COL13A1: variants seen among roughly 807,000 people sequenced by gnomAD.
The protein encoded by COL13A1 is collagen type XIII alpha 1 chain.
Under a neutral mutation model 130.9 loss-of-function variants are expected in COL13A1, and 89 were observed. That is an observed-to-expected ratio of 0.68 (90% CI 0.57 to 0.81). The LOEUF (loss-of-function observed/expected upper bound fraction) is 0.81, where lower values mean the gene tolerates loss of function less well. Among genes scored for constraint, COL13A1 ranks in the 30% least tolerant of loss-of-function variants. The pLI is 0.00. For missense variants in COL13A1, 879 were observed against 934.6 expected (o/e 0.94, Z 0.78); for synonymous variants, 402 against 341.6 (o/e 1.18, Z -1.95).
chr10:69,827,540 C>T (rs1451756053), intron 2 of COL13A1, among the ~76,000 whole-genome samples: 2 of 152,180 alleles, frequency 1.3e-5, no homozygotes, highest in Non-Finnish European at 2.9e-5. Context: ...GGGATGTCAC[C>T]TGATACAATT....
In COL13A1 at chr10:69,937,699, G is replaced by A. The variant is rs1282908147; in HGVS notation, c.1862G>A (p.Gly621Asp). Residue 621 changes from glycine (G) to aspartate (D), a missense_variant, in exon 34 of 41, where the codon GGT (glycine) becomes GAT (aspartate). Physicochemically the swap from Gly to Asp is moderately conservative, Grantham distance 94. Coordinates refer to ENST00000645393, the MANE Select transcript of COL13A1 (RefSeq NM_001368882.1). ...TTCCAGGGAGAAAAAGGAGACCGTG[G>A]TCCCCTGGGACTACCCGTAAGTACC... ...KGFQGEKGDR[G>D]PLGLPGASGL... is the part of the protein sequence containing the mutation. 1.3e-6 allele frequency: 2 copies of A among 1,558,850 alleles called. No homozygotes were observed. The highest frequency in any genetic ancestry group is 1.7e-5 in the Admixed American group (1 of 59,942).
chr10:69,902,635 C>G, intron 14 of COL13A1, 113 bp from the exon 15 acceptor site: 1 of 808,040 alleles, frequency 1.2e-6, no homozygotes, highest in Non-Finnish European at 1.9e-6. Flanking sequence ...CCCATCACCA[C>G]TCCTTCCCGG....
At chr10:69,921,025 C>A (rs1284502394) in intron 21 of COL13A1, among the ~76,000 whole-genome samples, 1 of 152,142 alleles carries the variant, frequency 6.6e-6, no homozygotes, top group African/African-American at 2.4e-5. Context: ...TATTATTTTG[C>A]TAGGGCTGTG....
rs753617316 is a variant in COL13A1, at chr10:69,875,161, G to T, written c.433G>T (p.Val145Leu). The change falls in exon 5 of 41, where the codon GTG becomes TTG. Residue 145 changes from valine to leucine, a missense_variant and splice_region_variant. Val to Leu is a conservative substitution (Grantham distance 32). Coordinates refer to ENST00000645393, the MANE Select transcript of COL13A1 (RefSeq NM_001368882.1). ...AGGTGCCATTGGGATGCCTGGACGT[G>T]TGGTGAGTTGGCCCGTTTGTACCTG... ...DKGAIGMPGR[V>L]GVKGQPGEKG... 1.9e-6 allele frequency: 3 copies of T among 1,613,998 alleles called. No homozygotes were observed. Among genetic ancestry groups the T allele is most frequent in the South Asian group, 2.2e-5 (2 of 91,074 alleles).
intron 38 of COL13A1, among the ~76,000 whole-genome samples, chr10:69,950,460 C>G (rs1273040695): frequency 6.6e-6 from 1 of 152,156 alleles, no homozygotes. Context: ...CTCTGTTACC[C>G]CCGGGGTATC....
intron 3 of COL13A1, among the ~76,000 whole-genome samples, chr10:69,870,686 A>G (rs192846535): frequency 2.1e-3 from 316 of 152,192 alleles, no homozygotes; most frequent in Admixed American, 4.6e-3. Flanking sequence ...TCATTCCAAG[A>G]AACATTTTAG....
intron 17 of COL13A1, among the ~76,000 whole-genome samples, chr10:69,908,691 A>T (rs2063048525): frequency 6.6e-6 from 1 of 152,162 alleles, no homozygotes; most frequent in South Asian, 2.1e-4. Context: ...TCCTAGACTC[A>T]GATTGTAGGA....
chr10:69,916,894 G>A lies in COL13A1; in HGVS notation c.922-395G>A, dbSNP rs1041564606. Among the ~76,000 whole-genome samples, 3 of 152,190 alleles carry A rather than the reference G, an allele frequency of 2.0e-5. No individual in the cohort carries two copies. In the East Asian group the frequency reaches 5.8e-4, roughly 29 times the overall value. The stretch of plus-strand genomic sequence containing the variant: ...AAAATGAGGCAAGAAGTCCCAGGCA[G>A]GGACCAGAGGGAAGGTGTGCAGTAG... On this transcript the variant is annotated intron_variant, in intron 17 of 40. Coordinates refer to ENST00000645393, the MANE Select transcript of COL13A1 (RefSeq NM_001368882.1).
At chr10:69,926,286 T>C (rs760379811) in intron 26 of COL13A1, among the ~76,000 whole-genome samples, 2 of 152,220 alleles carry the variant, frequency 1.3e-5, no homozygotes, top group African/African-American at 2.4e-5. Flanking sequence ...AGTTTAACCC[T>C]GTTTCAAGTT....
Position 69,876,742 on chromosome 10 carries a change from C to A in COL13A1, c.436-1297C>A, listed in dbSNP as rs530191420. ...TGCGTCACCATAGCCCTCTGAGCCC[C>A]TGTCTTCCAAATGAAGATGTTGAGA... On this transcript the variant is annotated intron_variant, in intron 5 of 40. Transcript: ENST00000645393. Among the ~76,000 whole-genome samples the A allele has an allele frequency of 5.3e-5, 8 of 152,356 alleles. No individual in the cohort carries two copies. In the South Asian group the frequency reaches 1.7e-3, roughly 32 times the overall value.
Position 69,838,621 on chromosome 10 carries a change from A to C in COL13A1, c.364+16183A>C, listed in dbSNP as rs550409878. Reference sequence around the variant, plus strand: ...CTTCCTCCTGAGCCTCTGAAACACCACTACCTTGGGGACCGGCCCTTGCCA... The same window carrying C: ...CTTCCTCCTGAGCCTCTGAAACACCCCTACCTTGGGGACCGGCCCTTGCCA... On this transcript the variant is annotated intron_variant, in intron 2 of 40. Transcript: ENST00000645393. Among the ~76,000 whole-genome samples the C allele has an allele frequency of 6.6e-5, 10 of 152,342 alleles. No homozygotes were observed. The East Asian group carries it at 1.7e-3, about 26-fold the overall frequency.
At chr10:69,810,346 A>AAGAGAGAGAGAG (rs1564723791) in intron 1 of COL13A1, among the ~76,000 whole-genome samples, 5 of 71,154 alleles carry the variant, frequency 7.0e-5, no homozygotes, top group African/African-American at 2.5e-4. Context: ...GGCCCTGAGA[A>AAGAGAGAGAGAG]TGAGAGAGAG....
chr10:69,930,141 G>A (rs2135818378), intron 29 of COL13A1, 54 bp downstream of exon 29: 3 of 1,578,636 alleles, frequency 1.9e-6, no homozygotes, highest in Non-Finnish European at 2.6e-6. Flanking sequence ...GGCCCTGGGG[G>A]CAGGAGGTCG....
intron 13 of COL13A1, among the ~76,000 whole-genome samples, chr10:69,898,172 G>A (rs2061840417): frequency 6.6e-6 from 1 of 152,142 alleles, no homozygotes; most frequent in African/African-American, 2.4e-5. Context: ...ACCAAAAAAA[G>A]AACCCACCAG....
At chr10:69,926,962 GC>G in intron 26 of COL13A1, 124 bp from the exon 27 acceptor site, 1 of 1,317,112 alleles carries the variant, frequency 7.6e-7, no homozygotes. Flanking sequence ...CCACCTGCAA[GC>G]GTCTCCCTCC....
intron 2 of COL13A1, among the ~76,000 whole-genome samples, chr10:69,828,830 A>G (rs978103507): frequency 1.3e-5 from 2 of 152,252 alleles, no homozygotes; most frequent in African/African-American, 4.8e-5. Context: ...TGAGAAGTGC[A>G]AACAGACCAA....
At chr10:69,882,862 T>G (rs1332762958) in intron 7 of COL13A1, among the ~76,000 whole-genome samples, 14 of 152,112 alleles carry the variant, frequency 9.2e-5, no homozygotes, top group Non-Finnish European at 2.1e-4. Flanking sequence ...GAGTCCCCAC[T>G]ACAGCACGGG....
intron 10 of COL13A1, among the ~76,000 whole-genome samples, chr10:69,892,638 G>A (rs974128494): frequency 1.2e-4 from 18 of 152,292 alleles, no homozygotes; most frequent in African/African-American, 3.4e-4. Flanking sequence ...CCTCAGTGGC[G>A]GTTAGCACAG....
Position 69,941,624 on chromosome 10 carries a change from C to T in COL13A1, c.1914+601C>T, listed in dbSNP as rs369159911. Among the ~76,000 whole-genome samples, 7 of 152,326 alleles carry T rather than the reference C, an allele frequency of 4.6e-5. No homozygotes were observed. The East Asian group carries it at 1.4e-3, about 29-fold the overall frequency. ...CTATGACAGCACAGTCGCCCTGCAACCCAACATGGCAGTTCACTACAGAGC... is the reference window on the plus strand; with the variant it reads ...CTATGACAGCACAGTCGCCCTGCAATCCAACATGGCAGTTCACTACAGAGC... On this transcript the variant is annotated intron_variant, in intron 35 of 40. Coordinates refer to ENST00000645393, the MANE Select transcript of COL13A1 (RefSeq NM_001368882.1).
Sources: allele counts gnomAD v4.1 joint callset (sites outside exome capture counted in the v4.1 genomes callset), GRCh38; gene constraint gnomAD v4.1.1; transcripts MANE v1.5; gene names NCBI Gene and HGNC (gene_info 2026-07-23, HGNC 2026-07-21).